CTR9: variants seen among roughly 807,000 people sequenced by gnomAD.
CTR9 encodes the protein CTR9 component of Paf1/RNA polymerase II complex, also known as RNA polymerase-associated protein CTR9 homolog.
Under a neutral mutation model 152.1 loss-of-function variants are expected in CTR9, and 41 were observed. That is an observed-to-expected ratio of 0.27 (90% CI 0.21 to 0.35). CTR9 has a LOEUF of 0.35. Ranked by LOEUF, CTR9 falls within the 10% of genes least tolerant of loss-of-function variation. The pLI is 1.00. For synonymous variants in CTR9, 476 were observed against 496.2 expected (o/e 0.96, Z 0.54); for missense variants, 917 against 1,424.4 (o/e 0.64, Z 5.73).
intron 24 of CTR9, 139 bp downstream of exon 24, chr11:10,775,772 T>A: frequency 1.8e-6 from 1 of 545,052 alleles, no homozygotes; most frequent in Non-Finnish European, 3.1e-6. Flanking sequence ...GGGACAGACT[T>A]GAAAATTGGA....
At chr11:10,772,934 G>C (rs1435658846) in intron 20 of CTR9, among the ~76,000 whole-genome samples, 193 bp from the exon 21 acceptor site, 2 of 152,066 alleles carry the variant, frequency 1.3e-5, no homozygotes, top group African/African-American at 4.8e-5. Flanking sequence ...AGCTGAGGCA[G>C]GAGAATCACT....
In CTR9 at chr11:10,760,233, G is replaced by A. The variant is rs774569861; in HGVS notation, c.653G>A (p.Arg218His). The change falls in exon 6 of 25, where the codon CGT (arginine) becomes CAT (histidine). Residue 218 changes from arginine (R) to histidine (H), a missense_variant. By Grantham distance (29) the Arg-to-His change is conservative. Transcript: ENST00000361367. ...AAACTTAACAAACTGGAAAAAGCTC[G>A]TCTGGCATTCAGCAGAGCCCTGGAA... ...FVKLNKLEKA[R>H]LAFSRALELN... The A allele has an allele frequency of 1.4e-5, 22 of 1,613,934 alleles. No individual in the cohort carries two copies. The highest frequency in any genetic ancestry group is 1.6e-4 in the Middle Eastern group (1 of 6,082).
intron 19 of CTR9, 22 bp from the exon 20 acceptor site, chr11:10,772,498 C>T (rs1590026113): frequency 7.1e-7 from 1 of 1,413,896 alleles, no homozygotes; most frequent in Non-Finnish European, 9.3e-7. Context: ...ATTCATGTTT[C>T]TCTAAACCTG....
intron 19 of CTR9, 146 bp from the exon 20 acceptor site, chr11:10,772,374 A>G: frequency 5.7e-6 from 4 of 700,464 alleles, no homozygotes; most frequent in Non-Finnish European, 8.1e-6. Context: ...AAAGGAAGAA[A>G]AAAAACATTT....
chr11:10,774,058 C>G lies in CTR9; in HGVS notation c.2774C>G (p.Thr925Ser). 1 of 1,612,838 alleles carries G rather than the reference C, an allele frequency of 6.2e-7. No homozygotes were observed. Among genetic ancestry groups the G allele is most frequent in the Non-Finnish European group, 8.5e-7 (1 of 1,179,340 alleles). ...TTTGATGAATTTGTCAATGATGACA[C>G]TGATGATGACCTACCTATATCCAAA... ...GEFDEFVNDD[T>S]DDDLPISKKK... Residue 925 changes from threonine (T) to serine (S), a missense_variant, in exon 22 of 25, where the codon ACT (threonine) becomes AGT (serine). Thr to Ser is a moderately conservative substitution (Grantham distance 58). Around this residue, in one of 9 missense-constraint regions of CTR9, gnomAD observed 384 missense variants for 398.4 expected, o/e 0.96. Transcript: ENST00000361367.
At chr11:10,774,708 C>A (rs930057818) in intron 22 of CTR9, among the ~76,000 whole-genome samples, 22 of 152,326 alleles carry the variant, frequency 1.4e-4, no homozygotes, top group Non-Finnish European at 2.5e-4. Flanking sequence ...GTTGTGCTAT[C>A]CTGTCCCCAG....
In CTR9 at chr11:10,770,579, A is replaced by C. The variant is rs749356704; in HGVS notation, c.2319A>C (p.Lys773Asn). The change falls in exon 18 of 25, where the codon AAA becomes AAC. Residue 773 changes from lysine (K) to asparagine (N), a missense_variant. Lys to Asn is a moderately conservative substitution (Grantham distance 94). Transcript: ENST00000361367. ...CTACCTCTGTCCTGAAAGATGAAAAAAGTAATCTGAAGGAAGTACTTAATG... is the reference window on the plus strand; with the variant it reads ...CTACCTCTGTCCTGAAAGATGAAAACAGTAATCTGAAGGAAGTACTTAATG... ...RLATSVLKDE[K>N]SNLKEVLNAV... The C allele has an allele frequency of 6.2e-7, 1 of 1,613,954 alleles. No individual in the cohort carries two copies. The highest frequency in any genetic ancestry group is 1.1e-5 in the South Asian group (1 of 91,066).
intron 22 of CTR9, chr11:10,774,405 T>G: frequency 3.0e-6 from 1 of 336,936 alleles, no homozygotes; most frequent in East Asian, 4.9e-5. Context: ...TTAGTCATAA[T>G]TGCCTTTCTT....
chr11:10,756,719 C>A, intron 4 of CTR9, 30 bp from the exon 5 acceptor site: 1 of 1,480,910 alleles, frequency 6.8e-7, no homozygotes, highest in Non-Finnish European at 9.4e-7. Flanking sequence ...TTTAATCAGA[C>A]ACTGTGTTTA....
Position 10,778,779 on chromosome 11 carries a change from T to G in CTR9, c.3196T>G (p.Ser1066Ala). Residue 1066 changes from serine to alanine, a missense_variant, in exon 25 of 25, where the codon TCT becomes GCT. Physicochemically the swap from Ser to Ala is moderately conservative, Grantham distance 99. Coordinates refer to ENST00000361367, the MANE Select transcript of CTR9 (RefSeq NM_014633.5). ...TGATTCCGATGAGAACCAGAACAAG[T>G]CTGGCAGCGAGGCCGGCAGTCCCCG... ...ESDSDENQNKSGSEAGSPRRP... is the reference protein window; with the variant it reads ...ESDSDENQNKAGSEAGSPRRP... The G allele has an allele frequency of 6.2e-7, 1 of 1,614,048 alleles. No homozygotes were observed.
chr11:10,769,532 G>T (rs1443675131), intron 16 of CTR9, among the ~76,000 whole-genome samples: 3 of 152,168 alleles, frequency 2.0e-5, no homozygotes, highest in African/African-American at 7.2e-5. Flanking sequence ...ACAGAACCTA[G>T]ATTGCATATG....
chr11:10,771,639 G>T (rs1395547896), intron 19 of CTR9, 23 bp downstream of exon 19: 2 of 1,549,338 alleles, frequency 1.3e-6, no homozygotes, highest in Non-Finnish European at 1.8e-6. Flanking sequence ...TTTATGGAAG[G>T]TGACTTTGGG....
In CTR9 at chr11:10,772,618, A is replaced by G; in HGVS notation, c.2543A>G (p.Glu848Gly). ...ERELRAKQEQ[E>G]KELLRQKLLK... ...GAGCTGCGGGCCAAGCAAGAGCAAG[A>G]AAAGGAGCTGTTAAGGCAGAAACTT... The change falls in exon 20 of 25, where the codon GAA (glutamate) becomes GGA (glycine). Residue 848 changes from glutamate to glycine, a missense_variant. Coordinates refer to ENST00000361367, the MANE Select transcript of CTR9 (RefSeq NM_014633.5). 6.2e-7 allele frequency: 1 copy of G among 1,609,456 alleles called. No homozygotes were observed. Among genetic ancestry groups the G allele is most frequent in the Non-Finnish European group, 8.5e-7 (1 of 1,178,298 alleles).
chr11:10,752,373 A>G (rs543394102), intron 1 of CTR9, among the ~76,000 whole-genome samples: 119 of 152,272 alleles, frequency 7.8e-4, no homozygotes, highest in Middle Eastern at 3.4e-3. Flanking sequence ...CTTGGATTCT[A>G]TGTTAAGTAG....
intron 5 of CTR9, among the ~76,000 whole-genome samples, chr11:10,759,290 A>G (rs1052690932): frequency 4.6e-5 from 7 of 152,250 alleles, no homozygotes; most frequent in African/African-American, 1.7e-4. Context: ...AGGCAAATGT[A>G]AAATGTTTCC....
At chr11:10,756,668 A>G (rs1862889222) in intron 4 of CTR9, 81 bp from the exon 5 acceptor site, 2 of 907,912 alleles carry the variant, frequency 2.2e-6, no homozygotes, top group Non-Finnish European at 3.4e-6. Context: ...AGATGTATTT[A>G]ACTTAGATAA....
chr11:10,759,602 G>A (rs182095407), intron 5 of CTR9, among the ~76,000 whole-genome samples: 68 of 152,316 alleles, frequency 4.5e-4, no homozygotes, highest in African/African-American at 1.5e-3. Context: ...ATGGCAGAAC[G>A]TTTATGTGTA....
Position 10,776,971 on chromosome 11 carries a change from GAAAAAAAA to G in CTR9, c.3095+1356_3095+1363del, listed in dbSNP as rs11326865. ...CTGGGCAACAGAATGAGACTCTTGT[GAAAAAAAA>G]AAAAAAAAAAAAAAAAAGCTCACAT... On this transcript the variant is annotated intron_variant, in intron 24 of 24. Transcript: ENST00000361367. 7.9e-5 allele frequency among the ~76,000 whole-genome samples: 5 copies of G among 63,254 alleles called. 1 individual carries two copies. The highest frequency in any genetic ancestry group is 0.029 in the Middle Eastern group (2 of 68). 41.5% of individuals were successfully genotyped at this position (63,254 alleles called of 152,430 possible). A position where few individuals can be genotyped will look rare whatever the true frequency, so the allele number is the denominator to read the frequency against.
At position 10,760,263 on chromosome 11, in the gene CTR9, A is replaced by C. The variant is rs1272346778; in HGVS notation, c.683A>C (p.Asn228Thr). Residue 228 changes from asparagine (N) to threonine (T), a missense_variant, in exon 6 of 25, where the codon AAT (asparagine) becomes ACT (threonine). Asn to Thr is a moderately conservative substitution (Grantham distance 65). Coordinates refer to ENST00000361367, the MANE Select transcript of CTR9 (RefSeq NM_014633.5). ...RLAFSRALELNSKCVGALVGL... is the reference protein window; with the variant it reads ...RLAFSRALELTSKCVGALVGL... ...GCATTCAGCAGAGCCCTGGAACTCA[A>C]TTCCAAATGCGTGGGAGCATTGGTT... 1 of 1,613,984 alleles carries C rather than the reference A, an allele frequency of 6.2e-7. No individual in the cohort carries two copies. The highest frequency in any genetic ancestry group is 8.5e-7 in the Non-Finnish European group (1 of 1,179,966).
Sources: allele counts gnomAD v4.1 joint callset (sites outside exome capture counted in the v4.1 genomes callset), GRCh38; gene constraint gnomAD v4.1.1; regional missense constraint gnomAD v4.1.1; transcripts MANE v1.5; gene names NCBI Gene and HGNC (gene_info 2026-07-23, HGNC 2026-07-21).